Variants in ENOX1 observed in about 807,000 individuals in gnomAD.
ENOX1 encodes ecto-NOX disulfide-thiol exchanger 1, also known as candidate growth-related and time keeping constitutive hydroquinone (NADH) oxidase.
In ENOX1, 42 loss-of-function variants were observed where a neutral mutation model predicts 82.5. The observed-to-expected ratio is 0.51, with a 90% CI of 0.40 to 0.66. ENOX1 has a LOEUF of 0.66. Among genes scored for constraint, ENOX1 ranks in the 30% least tolerant of loss-of-function variants. The pLI is 0.00. For synonymous variants in ENOX1, 271 were observed against 282.2 expected, an observed-to-expected ratio of 0.96 and a Z score of 0.40; for missense variants, 608 against 811.6, an observed-to-expected ratio of 0.75 and a Z score of 3.05.
At chr13:43,325,208 T>C (rs2048042959) in intron 10 of ENOX1, among the ~76,000 whole-genome samples, 2 of 152,086 alleles carry the variant, frequency 1.3e-5, no homozygotes, top group Non-Finnish European at 2.9e-5. Flanking sequence ...CCTGAAAAAT[T>C]AAAGAGAAAT....
intron 12 of ENOX1, among the ~76,000 whole-genome samples, chr13:43,288,200 G>A (rs1351815290): frequency 6.6e-6 from 1 of 152,196 alleles, no homozygotes; most frequent in African/African-American, 2.4e-5. Flanking sequence ...GGCAACTCTT[G>A]TGAACCTTGA....
chr13:43,449,125 C>T (rs1471449583), intron 3 of ENOX1, among the ~76,000 whole-genome samples: 1 of 152,184 alleles, frequency 6.6e-6, no homozygotes, highest in Non-Finnish European at 1.5e-5. Context: ...CCAAGTTGCT[C>T]TCTGCCTGTT....
intron 12 of ENOX1, among the ~76,000 whole-genome samples, chr13:43,292,967 C>T (rs908378313): frequency 1.3e-5 from 2 of 152,018 alleles, no homozygotes; most frequent in Non-Finnish European, 2.9e-5. Flanking sequence ...ACCAAAGTCA[C>T]CATCCTTGCC....
At chr13:43,745,007 C>G (rs1402324170) in intron 1 of ENOX1, among the ~76,000 whole-genome samples, 2 of 152,198 alleles carry the variant, frequency 1.3e-5, no homozygotes, top group African/African-American at 2.4e-5. Flanking sequence ...AAAACATTCA[C>G]TTGCAAATGA....
At chr13:43,214,744 C>T (rs1296860182) in intron 16 of ENOX1, among the ~76,000 whole-genome samples, 1 of 152,054 alleles carries the variant, frequency 6.6e-6, no homozygotes, top group Admixed American at 6.6e-5. Context: ...TGAATTTTTA[C>T]ACCAATAATT....
chr13:43,303,117 C>A (rs933046890), intron 11 of ENOX1, among the ~76,000 whole-genome samples: 1 of 152,200 alleles, frequency 6.6e-6, no homozygotes, highest in Admixed American at 6.5e-5. Context: ...ATTTCCTTCC[C>A]ACATGCAAAG....
intron 12 of ENOX1, among the ~76,000 whole-genome samples, chr13:43,294,571 G>A (rs1209403878): frequency 6.6e-6 from 1 of 152,064 alleles, no homozygotes; most frequent in Admixed American, 6.6e-5. Context: ...AGAGTTTGGC[G>A]GTTTCTCTGA....
intron 3 of ENOX1, among the ~76,000 whole-genome samples, chr13:43,424,768 C>A (rs549512348): frequency 6.6e-6 from 1 of 152,250 alleles, no homozygotes; most frequent in South Asian, 2.1e-4. Context: ...AACAGTGGAG[C>A]CTTGGGTCCC....
intron 2 of ENOX1, among the ~76,000 whole-genome samples, chr13:43,638,165 T>C (rs1327575948): frequency 2.0e-5 from 3 of 152,236 alleles, no homozygotes; most frequent in Non-Finnish European, 4.4e-5. Flanking sequence ...CAAGAAATAA[T>C]GATACATCTT....
At chr13:43,292,407 G>A (rs1459648040) in intron 12 of ENOX1, among the ~76,000 whole-genome samples, 1 of 152,140 alleles carries the variant, frequency 6.6e-6, no homozygotes, top group Non-Finnish European at 1.5e-5. Context: ...TATCTGACTG[G>A]TGGGTATTTC....
chr13:43,637,853 CAA>C (rs968867567), intron 2 of ENOX1, among the ~76,000 whole-genome samples: 1 of 152,104 alleles, frequency 6.6e-6, no homozygotes, highest in African/African-American at 2.4e-5. Context: ...CAGGATTTCA[CAA>C]AGTTGAGAAT....
rs565925810 is a variant in ENOX1 at position 43,689,758 on chromosome 13, C to T, written c.-284-22214G>A. On this transcript the variant is annotated intron_variant, in intron 1 of 16. Coordinates refer to ENST00000690772, the MANE Select transcript of ENOX1 (RefSeq NM_001347969.2). ...AATATAAATATGAATATACATCTGT[C>T]GTTGTATACACACACTCAACACTCA... Among the ~76,000 whole-genome samples, 9 of 152,120 alleles carry T rather than the reference C, an allele frequency of 5.9e-5. No homozygotes were observed. The East Asian group carries it at 1.2e-3, about 20-fold the overall frequency.
intron 1 of ENOX1, among the ~76,000 whole-genome samples, chr13:43,719,365 A>G (rs2088402677): frequency 6.8e-6 from 1 of 147,810 alleles, no homozygotes; most frequent in African/African-American, 2.5e-5. Context: ...TCGCACATTC[A>G]AGGTTAGGTG....
At chr13:43,340,607 T>C (rs2048994431) in intron 9 of ENOX1, among the ~76,000 whole-genome samples, 1 of 152,238 alleles carries the variant, frequency 6.6e-6, no homozygotes, top group East Asian at 1.9e-4. Flanking sequence ...TAATATTTCC[T>C]AGCCTCTGAC....
intron 1 of ENOX1, among the ~76,000 whole-genome samples, chr13:43,770,329 T>C (rs2153837033): frequency 6.6e-6 from 1 of 152,320 alleles, no homozygotes; most frequent in East Asian, 1.9e-4. Context: ...TCTTTTTCTC[T>C]GGAAAGTTAA....
At chr13:43,460,846 A>G (rs995093898) in intron 3 of ENOX1, among the ~76,000 whole-genome samples, 5 of 145,728 alleles carry the variant, frequency 3.4e-5, no homozygotes, top group African/African-American at 1.0e-4. Context: ...ATAGCTCTCT[A>G]CAAACCAAGG....
intron 9 of ENOX1, among the ~76,000 whole-genome samples, chr13:43,329,389 G>A (rs2048299241): frequency 1.3e-5 from 2 of 152,128 alleles, no homozygotes; most frequent in African/African-American, 2.4e-5. Flanking sequence ...CATGGGAGGA[G>A]GAAGAGGGGT....
intron 2 of ENOX1, among the ~76,000 whole-genome samples, chr13:43,616,165 T>TAGATATATAG (rs1566641699): frequency 1.7e-4 from 1 of 5,722 alleles, no homozygotes; most frequent in African/African-American, 2.7e-4. Context: ...TAGATATCTA[T>TAGATATATAG]CTATCTATCT....
chr13:43,706,379 C>A (rs527446536), intron 1 of ENOX1, among the ~76,000 whole-genome samples: 1 of 151,460 alleles, frequency 6.6e-6, no homozygotes, highest in Non-Finnish European at 1.5e-5. Context: ...AAGAAAGAGG[C>A]GGAAGGAGCA....
Sources: gnomAD v4.1 joint callset for allele counts (sites outside exome capture counted in the v4.1 genomes callset) on GRCh38, gnomAD v4.1.1 for gene constraint, MANE v1.5 for transcripts, NCBI Gene and HGNC (gene_info 2026-07-23, HGNC 2026-07-21) for gene names.